Variants in ELOVL7 observed in about 807,000 individuals in gnomAD.
ELOVL7 encodes the protein very long chain fatty acid elongase 7.
A neutral mutation model predicts 35.7 loss-of-function variants in ELOVL7; 27 were observed. That is an observed-to-expected ratio of 0.76 (90% CI 0.56 to 1.04). The LOEUF (loss-of-function observed/expected upper bound fraction) is 1.04, where lower values mean the gene tolerates loss of function less well. Ranked by LOEUF, ELOVL7 falls within the 50% of genes least tolerant of loss-of-function variation. The pLI is 0.00. For synonymous variants in ELOVL7, 113 were observed against 114.6 expected (o/e 0.99, Z 0.09); for missense variants, 327 against 340.8 (o/e 0.96, Z 0.32).
At chr5:60,787,473 T>G in intron 2 of ELOVL7, 42 bp from the exon 3 acceptor site, 1 of 1,157,644 alleles carries the variant, frequency 8.6e-7, no homozygotes, top group Non-Finnish European at 1.2e-6. Flanking sequence ...AATCTATAAA[T>G]GCAAATAAAG....
intron 2 of ELOVL7, among the ~76,000 whole-genome samples, chr5:60,794,612 G>A (rs542669504): frequency 6.6e-6 from 1 of 152,358 alleles, no homozygotes; most frequent in South Asian, 2.1e-4. Flanking sequence ...ACAGACATTG[G>A]AGACACTGTA....
chr5:60,792,147 G>A (rs1415630563), intron 2 of ELOVL7, among the ~76,000 whole-genome samples: 1 of 152,162 alleles, frequency 6.6e-6, no homozygotes, highest in Admixed American at 6.5e-5. Flanking sequence ...AAAGCCAGCA[G>A]GAGATGAAGG....
chr5:60,801,823 C>G (rs1050551409), intron 1 of ELOVL7, among the ~76,000 whole-genome samples: 1 of 151,894 alleles, frequency 6.6e-6, no homozygotes, highest in Non-Finnish European at 1.5e-5. Context: ...CTCCTCCTGC[C>G]CTTGAATGTC....
intron 1 of ELOVL7, among the ~76,000 whole-genome samples, chr5:60,799,615 T>TC (rs1282228100): frequency 1.3e-5 from 2 of 152,142 alleles, no homozygotes; most frequent in Admixed American, 6.5e-5. Flanking sequence ...CAGGATTAAA[T>TC]CATGAAGCGG....
chr5:60,789,887 C>T (rs1743822178), intron 2 of ELOVL7, among the ~76,000 whole-genome samples: 1 of 152,114 alleles, frequency 6.6e-6, no homozygotes, highest in South Asian at 2.1e-4. Context: ...TCTGTAATCC[C>T]AGCAGTTTGG....
chr5:60,811,449 TAATA>T (rs1478148724), intron 1 of ELOVL7, among the ~76,000 whole-genome samples: 1 of 152,092 alleles, frequency 6.6e-6, no homozygotes, highest in East Asian at 1.9e-4. Flanking sequence ...TTTGTTAGAC[TAATA>T]AATAATGACA....
At chr5:60,822,967 T>C (rs1385863903) in intron 1 of ELOVL7, among the ~76,000 whole-genome samples, 6 of 152,116 alleles carry the variant, frequency 3.9e-5, no homozygotes, top group East Asian at 1.9e-4. Context: ...AATTAAGCAA[T>C]GATAAGGCTG....
chr5:60,754,692 C>T lies in ELOVL7; in HGVS notation c.778G>A (p.Ala260Thr). 2 of 1,614,082 alleles carry T rather than the reference C, an allele frequency of 1.2e-6. No homozygotes were observed. The highest frequency in any genetic ancestry group is 1.7e-6 in the Non-Finnish European group (2 of 1,180,024). Residue 260 changes from alanine to threonine, a missense_variant, in exon 9 of 9, where the codon GCT becomes ACT. Ala to Thr is a moderately conservative substitution (Grantham distance 58). Coordinates refer to ENST00000508821, the MANE Select transcript of ELOVL7 (RefSeq NM_024930.3). ...GGCAACCTCTGACCTTTGGTGTAAGCACGGTACCAAAAATGGAGAAAGAGC... is the reference window on the plus strand; with the variant it reads ...GGCAACCTCTGACCTTTGGTGTAAGTACGGTACCAAAAATGGAGAAAGAGC... Reference protein sequence around the residue: ...LLLFLHFWYRAYTKGQRLPKT... With the variant: ...LLLFLHFWYRTYTKGQRLPKT...
At chr5:60,842,658 G>A (rs1319473151) in intron 1 of ELOVL7, among the ~76,000 whole-genome samples, 1 of 152,140 alleles carries the variant, frequency 6.6e-6, no homozygotes, top group African/African-American at 2.4e-5. Flanking sequence ...AACTCTAGGT[G>A]AGGCAGTGTA....
chr5:60,831,741 T>C (rs1746491283), intron 1 of ELOVL7, among the ~76,000 whole-genome samples: 1 of 152,250 alleles, frequency 6.6e-6, no homozygotes, highest in African/African-American at 2.4e-5. Flanking sequence ...AAATTCCTTT[T>C]GCACTTTACT....
At chr5:60,782,064 A>G (rs1296634939) in intron 3 of ELOVL7, among the ~76,000 whole-genome samples, 2 of 152,228 alleles carry the variant, frequency 1.3e-5, no homozygotes, top group African/African-American at 4.8e-5. Flanking sequence ...CACGGTTTCT[A>G]TGCATCCATT....
chr5:60,842,636 G>C (rs1239619565), intron 1 of ELOVL7, among the ~76,000 whole-genome samples: 3 of 152,100 alleles, frequency 2.0e-5, no homozygotes, highest in African/African-American at 7.2e-5. Context: ...AGAAAATAAG[G>C]ACGAGCAAAC....
chr5:60,766,106 C>G (rs1742220263), intron 6 of ELOVL7, among the ~76,000 whole-genome samples: 1 of 152,210 alleles, frequency 6.6e-6, no homozygotes, highest in Non-Finnish European at 1.5e-5. Flanking sequence ...GAATTACCGA[C>G]AGCCCAGGGG....
rs201554484 is a variant in ELOVL7 at position 60,754,666 on chromosome 5, G to C, written c.804C>G (p.Pro268=). Residue 268 remains proline, a synonymous_variant, in exon 9 of 9, where the codon CCC becomes CCG. Transcript: ENST00000508821. The part of the protein sequence containing the change: ...YRAYTKGQRL[P]KTVKNGTCKN... ...TGCAAGTTCCATTTTTCACAGTTTTGGGCAACCTCTGACCTTTGGTGTAAG... is the reference window on the plus strand; with the variant it reads ...TGCAAGTTCCATTTTTCACAGTTTTCGGCAACCTCTGACCTTTGGTGTAAG... 8 of 1,613,682 alleles carry C rather than the reference G, an allele frequency of 5.0e-6. No homozygotes were observed. The highest frequency in any genetic ancestry group is 5.9e-6 in the Non-Finnish European group (7 of 1,179,952).
At chr5:60,831,846 C>A (rs1401731606) in intron 1 of ELOVL7, among the ~76,000 whole-genome samples, 1 of 152,076 alleles carries the variant, frequency 6.6e-6, no homozygotes, top group Non-Finnish European at 1.5e-5. Flanking sequence ...AAGCTCCGGG[C>A]TAACTGTTAA....
chr5:60,836,491 G>A (rs540634482), intron 1 of ELOVL7, among the ~76,000 whole-genome samples: 40 of 152,140 alleles, frequency 2.6e-4, no homozygotes, highest in Admixed American at 7.8e-4. Flanking sequence ...AACATTGTTC[G>A]TTGGCTGGTT....
intron 1 of ELOVL7, among the ~76,000 whole-genome samples, chr5:60,807,168 T>C (rs1417486787): frequency 2.0e-5 from 3 of 152,028 alleles, no homozygotes; most frequent in Non-Finnish European, 4.4e-5. Context: ...AATTTTGTTT[T>C]TTTTTTCTCC....
intron 1 of ELOVL7, among the ~76,000 whole-genome samples, chr5:60,838,833 G>C (rs1047445998): frequency 4.0e-5 from 6 of 151,320 alleles, no homozygotes; most frequent in African/African-American, 1.5e-4. Context: ...AGAGCAGCCT[G>C]GCCAACATAG....
At chr5:60,801,137 G>C (rs886181144) in intron 1 of ELOVL7, among the ~76,000 whole-genome samples, 2 of 151,780 alleles carry the variant, frequency 1.3e-5, no homozygotes, top group Middle Eastern at 3.4e-3. Flanking sequence ...TATGTTGCCC[G>C]GGCTGGTCTC....
Sources: allele counts gnomAD v4.1 joint callset (sites outside exome capture counted in the v4.1 genomes callset), GRCh38; gene constraint gnomAD v4.1.1; transcripts MANE v1.5; gene names NCBI Gene and HGNC (gene_info 2026-07-23, HGNC 2026-07-21).